CYRIB: variants seen among roughly 807,000 people sequenced by gnomAD.
CYRIB encodes the protein CYFIP related Rac1 interactor B.
Under a neutral mutation model 44.2 loss-of-function variants are expected in CYRIB, and 8 were observed. The ratio of observed to expected loss-of-function variants is 0.18; its 90% CI spans 0.11 to 0.33. The LOEUF is 0.33. Among genes scored for constraint, CYRIB ranks in the 10% least tolerant of loss-of-function variants. The probability of loss-of-function intolerance (pLI) is 1.00; values close to 1 mark genes in which losing one functional copy is unlikely to be tolerated. For synonymous variants in CYRIB, 131 were observed against 127.2 expected, an observed-to-expected ratio of 1.03 and a Z score of -0.20; for missense variants, 185 against 382.8, an observed-to-expected ratio of 0.48 and a Z score of 4.31.
chr8:129,956,795 T>C (rs1372614376), intron 2 of CYRIB, among the ~76,000 whole-genome samples: 1 of 151,260 alleles, frequency 6.6e-6, no homozygotes, highest in East Asian at 1.9e-4. Flanking sequence ...AAGCCTATTT[T>C]TCCTTCCTTC....
At chr8:129,918,084 C>T (rs551373933) in intron 1 of CYRIB, among the ~76,000 whole-genome samples, 7 of 152,194 alleles carry the variant, frequency 4.6e-5, no homozygotes, top group African/African-American at 7.2e-5. Flanking sequence ...TAATGGCTGC[C>T]CACCACAATT....
At chr8:129,865,329 T>A (rs1246845814) in intron 4 of CYRIB, among the ~76,000 whole-genome samples, 1 of 152,218 alleles carries the variant, frequency 6.6e-6, no homozygotes, top group African/African-American at 2.4e-5. Context: ...TGATTAATCT[T>A]ACAGCTTTAT....
chr8:129,910,468 C>T (rs1563790736), intron 1 of CYRIB, among the ~76,000 whole-genome samples: 1 of 145,716 alleles, frequency 6.9e-6, no homozygotes, highest in East Asian at 2.0e-4. Context: ...CAAGTGGTGC[C>T]TTCTTTCACT....
intron 2 of CYRIB, among the ~76,000 whole-genome samples, chr8:129,888,152 T>A (rs370112365): frequency 4.8e-4 from 73 of 152,276 alleles, no homozygotes; most frequent in African/African-American, 1.7e-3. Flanking sequence ...GGGAGTGGAC[T>A]TCCCCCTTGC....
In CYRIB at chr8:130,003,525, C is replaced by T. The variant is rs537087405; in HGVS notation, c.-296+12845G>A. Among the ~76,000 whole-genome samples, 3 of 152,340 alleles carry T rather than the reference C, an allele frequency of 2.0e-5. No homozygotes were observed. The East Asian group carries it at 5.8e-4, about 29-fold the overall frequency. ...GAGTTCTTATGGAACATTCTGGTCT[C>T]TGCACATTAGCTGCACAATCTCAGG... On this transcript the variant is annotated intron_variant, in intron 1 of 14. Coordinates refer to the CYRIB transcript ENST00000401979.
chr8:129,965,111 C>T (rs1017385512), intron 2 of CYRIB, among the ~76,000 whole-genome samples: 3 of 152,142 alleles, frequency 2.0e-5, no homozygotes, highest in South Asian at 2.1e-4. Flanking sequence ...TATGCAACCC[C>T]ACCAAGGGGA....
intron 2 of CYRIB, among the ~76,000 whole-genome samples, chr8:129,880,118 TTCA>T (rs1299792013): frequency 6.6e-6 from 1 of 152,220 alleles, no homozygotes; most frequent in Non-Finnish European, 1.5e-5. Context: ...TATTAGAATG[TTCA>T]TCATAAGGCT....
intron 4 of CYRIB, 98 bp from the exon 7 acceptor site, chr8:129,862,432 G>A (rs2050294958): frequency 1.5e-5 from 13 of 879,432 alleles, no homozygotes; most frequent in Non-Finnish European, 2.1e-5. Context: ...GGAAACACTG[G>A]TATAATCCAT....
rs1460764062 is a variant in CYRIB, at chr8:129,963,692, G to A, written c.-243+7251C>T. ...AACTAAAACCATTACATCCCACGTT[G>A]CACAGAAGGGCGATGATACTTAAAG... On this transcript the variant is annotated intron_variant, in intron 2 of 14. Coordinates refer to the CYRIB transcript ENST00000401979. 2.6e-5 allele frequency among the ~76,000 whole-genome samples: 4 copies of A among 152,264 alleles called. No individual in the cohort carries two copies. The East Asian group carries it at 7.7e-4, about 29-fold the overall frequency.
At chr8:129,999,821 G>T (rs189999829) in intron 1 of CYRIB, among the ~76,000 whole-genome samples, 56 of 152,094 alleles carry the variant, frequency 3.7e-4, no homozygotes, top group Admixed American at 9.8e-4. Context: ...AGAGATGGGG[G>T]CTTACTGATG....
chr8:129,995,480 C>A (rs1206319582), intron 1 of CYRIB, among the ~76,000 whole-genome samples: 1 of 152,238 alleles, frequency 6.6e-6, no homozygotes, highest in Non-Finnish European at 1.5e-5. Context: ...ATAACACTAT[C>A]TGAAGCTTGT....
intron 2 of CYRIB, among the ~76,000 whole-genome samples, chr8:129,899,151 C>A (rs1589104037): frequency 6.6e-6 from 1 of 152,108 alleles, no homozygotes; most frequent in Admixed American, 6.6e-5. Flanking sequence ...CAGGCATGAA[C>A]CACTGCACCT....
exon 7 of CYRIB, chr8:129,854,295 A>C: frequency 1.2e-6 from 2 of 1,611,154 alleles, no homozygotes; most frequent in Non-Finnish European, 8.5e-7. Context: ...ATACGACTCA[A>C]TGTTCTTCTA....
intron 1 of CYRIB, among the ~76,000 whole-genome samples, chr8:129,999,825 A>C (rs1054244580): frequency 2.0e-5 from 3 of 152,088 alleles, no homozygotes; most frequent in Non-Finnish European, 2.9e-5. Context: ...ATGGGGGCTT[A>C]CTGATGTTGC....
chr8:129,978,039 G>T (rs72720304), intron 1 of CYRIB, among the ~76,000 whole-genome samples: 6,149 of 152,222 alleles, frequency 0.04, 148 homozygotes, highest in Middle Eastern at 0.068. Context: ...CTCCCGAGTA[G>T]CTGGGGTACT....
rs149741184 is a variant in CYRIB at position 129,903,846 on chromosome 8, C to G, written c.-49-496G>C. Among the ~76,000 whole-genome samples, 885 of 152,236 alleles carry G rather than the reference C, an allele frequency of 5.8e-3. 4 individuals carry two copies. Among genetic ancestry groups the G allele is most frequent in the Middle Eastern group, 0.02 (6 of 294 alleles). On this transcript the variant is annotated intron_variant, in intron 1 of 11. Transcript: ENST00000519824. ...TCCGTGACCATAACCTATTATTTGCCAGGGACACATTTGGCAAAATTCAAG... is the reference window on the plus strand; with the variant it reads ...TCCGTGACCATAACCTATTATTTGCGAGGGACACATTTGGCAAAATTCAAG...
chr8:129,944,044 TA>T (rs1014726808), upstream of CYRIB, among the ~76,000 whole-genome samples: 1 of 151,670 alleles, frequency 6.6e-6, no homozygotes, highest in Non-Finnish European at 1.5e-5. Flanking sequence ...ACTGAGATTG[TA>T]AAGGACATCA....
At chr8:129,869,381 CAAAAAAAAAA>C (rs572134261) in intron 4 of CYRIB, among the ~76,000 whole-genome samples, 1 of 74,090 alleles carries the variant, frequency 1.3e-5, no homozygotes, top group Non-Finnish European at 2.8e-5. Flanking sequence ...AACTCTGCCT[CAAAAAAAAAA>C]AAAAAAAAAA....
chr8:129,973,087 T>C (rs1209678186), intron 1 of CYRIB, among the ~76,000 whole-genome samples: 2 of 152,138 alleles, frequency 1.3e-5, no homozygotes, highest in Admixed American at 6.5e-5. Context: ...AATAATTCCA[T>C]GAATTAAACC....
Sources: allele counts gnomAD v4.1 joint callset (sites outside exome capture counted in the v4.1 genomes callset), GRCh38; gene constraint gnomAD v4.1.1; transcripts MANE v1.5; gene names NCBI Gene and HGNC (gene_info 2026-07-23, HGNC 2026-07-21).